The following NOL4 variants were observed in gnomAD, a reference collection of about 807,000 sequenced individuals.
NOL4 encodes the protein cancer/testis antigen 125.
In NOL4, 17 loss-of-function variants were observed where a neutral mutation model predicts 75.9. The ratio of observed to expected loss-of-function variants is 0.22; its 90% CI spans 0.15 to 0.34. NOL4 has a LOEUF of 0.34. Among genes scored for constraint, NOL4 ranks in the 10% least tolerant of loss-of-function variants. NOL4 has a pLI of 1.00. For synonymous variants in NOL4, 292 were observed against 289.9 expected, an observed-to-expected ratio of 1.01 and a Z score of -0.07; for missense variants, 614 against 793.5, an observed-to-expected ratio of 0.77 and a Z score of 2.72.
intron 4 of NOL4, among the ~76,000 whole-genome samples, chr18:34,100,302 C>G (rs1229038844): frequency 6.6e-6 from 1 of 152,082 alleles, no homozygotes; most frequent in Non-Finnish European, 1.5e-5. Flanking sequence ...TATAATTTCT[C>G]TGATTTTAGA....
chr18:34,124,980 TTTTC>T (rs1377528162), intron 2 of NOL4, among the ~76,000 whole-genome samples: 4 of 152,112 alleles, frequency 2.6e-5, no homozygotes, highest in Non-Finnish European at 5.9e-5. Context: ...ATAACTCACA[TTTTC>T]TTTCTATCTC....
At chr18:34,099,319 C>T (rs535708237) in intron 4 of NOL4, among the ~76,000 whole-genome samples, 94 of 135,264 alleles carry the variant, frequency 6.9e-4, no homozygotes, top group African/African-American at 2.4e-3. Flanking sequence ...GCCGAGATCG[C>T]GCCACTGCAC....
intron 1 of NOL4, among the ~76,000 whole-genome samples, chr18:34,219,773 T>C (rs1420092474): frequency 6.6e-6 from 1 of 152,262 alleles, no homozygotes; most frequent in Non-Finnish European, 1.5e-5. Flanking sequence ...GCAGATGGGT[T>C]GCTCAACAAA....
intron 10 of NOL4, among the ~76,000 whole-genome samples, chr18:33,859,410 TA>T (rs2062984958): frequency 6.6e-6 from 1 of 152,210 alleles, no homozygotes; most frequent in Admixed American, 6.5e-5. Context: ...TAGATATAGC[TA>T]TTAGATTAAA....
At chr18:34,023,373 G>A (rs560260850) in intron 5 of NOL4, 41 of 452,408 alleles carry the variant, frequency 9.1e-5, no homozygotes, top group Admixed American at 1.9e-4. Context: ...TTAAAATCGC[G>A]GATCTCAGAC....
chr18:33,992,725 G>T (rs370411319), intron 6 of NOL4, among the ~76,000 whole-genome samples: 1 of 151,984 alleles, frequency 6.6e-6, no homozygotes, highest in Non-Finnish European at 1.5e-5. Flanking sequence ...GGTAAATGTA[G>T]TCAAAGTGGG....
At chr18:34,182,217 T>C (rs1030623498) in intron 1 of NOL4, among the ~76,000 whole-genome samples, 4 of 151,654 alleles carry the variant, frequency 2.6e-5, no homozygotes, top group Admixed American at 2.6e-4. Flanking sequence ...TAATGGAATA[T>C]TCATCCATAA....
At chr18:33,924,146 T>C (rs1282616355) in intron 9 of NOL4, among the ~76,000 whole-genome samples, 1 of 152,240 alleles carries the variant, frequency 6.6e-6, no homozygotes, top group Non-Finnish European at 1.5e-5. Flanking sequence ...CAAGCTGCTC[T>C]ATTCAGCCTG....
At chr18:34,219,279 A>T (rs2037131594) in intron 1 of NOL4, among the ~76,000 whole-genome samples, 1 of 152,366 alleles carries the variant, frequency 6.6e-6, no homozygotes. Flanking sequence ...GAAAAGTATT[A>T]CATCTTTTGA....
Position 34,223,967 on chromosome 18 carries a change from T to A in NOL4, c.-714A>T, listed in dbSNP as rs939958158. The stretch of plus-strand genomic sequence containing the variant: ...CAGAATTTTTTATCAAGATATTTTT[T>A]AAAACGGTTTAAAATGTCATTTCTT... On this transcript the variant is annotated 5_prime_UTR_variant, in exon 1 of 11. Transcript: ENST00000261592. 1.3e-5 allele frequency: 2 copies of A among 152,268 alleles called. No homozygotes were observed. Among genetic ancestry groups the A allele is most frequent in the African/African-American group, 2.4e-5 (1 of 41,476 alleles). 9.4% of individuals were successfully genotyped at this position (152,268 alleles called of 1,614,324 possible).
intron 5 of NOL4, among the ~76,000 whole-genome samples, chr18:34,086,587 C>T (rs74374403): frequency 0.015 from 2,299 of 152,190 alleles, 19 homozygotes; most frequent in Middle Eastern, 0.034. Flanking sequence ...TGGTGAACAG[C>T]ACATAGTTCT....
chr18:33,912,002 G>C (rs989207876), intron 9 of NOL4, among the ~76,000 whole-genome samples: 3 of 151,968 alleles, frequency 2.0e-5, no homozygotes, highest in Non-Finnish European at 2.9e-5. Flanking sequence ...ATTGGGGATG[G>C]GACCTGGGTC....
chr18:33,863,895 G>A (rs2063303699), intron 10 of NOL4, among the ~76,000 whole-genome samples: 1 of 152,172 alleles, frequency 6.6e-6, no homozygotes, highest in Admixed American at 6.5e-5. Flanking sequence ...TTCCCATACA[G>A]CCTCCAAAAT....
chr18:34,156,249 G>A lies in NOL4; in HGVS notation c.265-26229C>T, dbSNP rs537507478. Among the ~76,000 whole-genome samples, 6 of 152,220 alleles carry A rather than the reference G, an allele frequency of 3.9e-5. No individual in the cohort carries two copies. The South Asian group carries it at 1.2e-3, about 32-fold the overall frequency. On this transcript the variant is annotated intron_variant, in intron 1 of 10. Transcript: ENST00000261592. Reference sequence around the variant, plus strand: ...AATTTACTGAGACTTGCCATATACTGTGTGTTATATGCATTATTTAATCCC... The same window carrying A: ...AATTTACTGAGACTTGCCATATACTATGTGTTATATGCATTATTTAATCCC...
Position 34,050,954 on chromosome 18 carries a change from G to A in NOL4, c.773-31353C>T, listed in dbSNP as rs114984409. The stretch of plus-strand genomic sequence containing the variant: ...GCTTGGATACAGCCTCTAGACTTTG[G>A]CTAGACACTGAACACAGACTCTAAT... On this transcript the variant is annotated intron_variant, in intron 5 of 10. Transcript: ENST00000261592. 2.1e-3 allele frequency among the ~76,000 whole-genome samples: 317 copies of A among 152,084 alleles called. 1 individual carries two copies. The highest frequency in any genetic ancestry group is 7.2e-3 in the African/African-American group (298 of 41,510).
At chr18:33,988,090 G>C (rs1403707244) in intron 6 of NOL4, among the ~76,000 whole-genome samples, 1 of 152,058 alleles carries the variant, frequency 6.6e-6, no homozygotes, top group African/African-American at 2.4e-5. Context: ...TTCCAGGTTA[G>C]AAAACAAGGT....
At chr18:33,932,166 A>G (rs1599913558) in intron 9 of NOL4, among the ~76,000 whole-genome samples, 1 of 152,174 alleles carries the variant, frequency 6.6e-6, no homozygotes. Context: ...ATATTATTTT[A>G]TTACATATTA....
chr18:34,050,072 A>G (rs1393962491), intron 5 of NOL4, among the ~76,000 whole-genome samples: 1 of 152,184 alleles, frequency 6.6e-6, no homozygotes, highest in Non-Finnish European at 1.5e-5. Flanking sequence ...CCATCATAGT[A>G]AAAAATGCTG....
At chr18:34,173,717 T>A (rs557004649) in intron 1 of NOL4, among the ~76,000 whole-genome samples, 1 of 152,156 alleles carries the variant, frequency 6.6e-6, no homozygotes, top group Non-Finnish European at 1.5e-5. Context: ...CATATCTTGA[T>A]CTGTCTCAGC....
Sources: allele counts gnomAD v4.1 joint callset (sites outside exome capture counted in the v4.1 genomes callset), GRCh38; gene constraint gnomAD v4.1.1; transcripts MANE v1.5; gene names NCBI Gene and HGNC (gene_info 2026-07-23, HGNC 2026-07-21).